Variants in OTULIN observed in about 807,000 individuals in gnomAD.
OTULIN encodes ubiquitin thioesterase otulin.
OTULIN carries 15 observed loss-of-function variants against 39.6 expected under a neutral mutation model. The ratio of observed to expected loss-of-function variants is 0.38; its 90% CI spans 0.25 to 0.58. The LOEUF is 0.58. Among genes scored for constraint, OTULIN ranks in the 20% least tolerant of loss-of-function variants. The pLI, the probability that OTULIN is intolerant of heterozygous loss-of-function variation, is 0.66. For synonymous variants in OTULIN, 156 were observed against 170.3 expected (o/e 0.92, Z 0.65); for missense variants, 319 against 445.9 (o/e 0.72, Z 2.56).
chr5:14,702,129 G>A (rs1359730733), downstream of OTULIN, among the ~76,000 whole-genome samples: 4 of 152,228 alleles, frequency 2.6e-5, no homozygotes, highest in Admixed American at 2.6e-4. Context: ...GGAGTGAGAT[G>A]CTAGGAGGCA....
intron 1 of OTULIN, among the ~76,000 whole-genome samples, chr5:14,666,828 G>A (rs1263981485): frequency 6.6e-6 from 1 of 152,142 alleles, no homozygotes; most frequent in African/African-American, 2.4e-5. Flanking sequence ...CAGTATCTGG[G>A]TAGTGGGCTG....
At chr5:14,667,316 C>G (rs1486718888) in intron 1 of OTULIN, among the ~76,000 whole-genome samples, 1 of 152,320 alleles carries the variant, frequency 6.6e-6, no homozygotes, top group African/African-American at 2.4e-5. Context: ...CTAAGCTCAT[C>G]GCATTTCACA....
rs1182287769 is a variant in OTULIN, at chr5:14,693,615, G to A, written c.*567G>A. ...ACTGGCATAGTCATGACAACCTCTG[G>A]TAATCTTACCTTCTCCTTTTTATGA... On this transcript the variant is annotated 3_prime_UTR_variant, in exon 7 of 7. Coordinates refer to ENST00000284274, the MANE Select transcript of OTULIN (RefSeq NM_138348.6). 6.6e-6 allele frequency: 1 copy of A among 152,196 alleles called. No homozygotes were observed. The highest frequency in any genetic ancestry group is 1.5e-5 in the Non-Finnish European group (1 of 68,066). 9.4% of individuals were successfully genotyped at this position (152,196 alleles called of 1,614,324 possible).
At chr5:14,709,757 T>C in the OTULIN span, 1 of 152,628 alleles carries the variant, frequency 6.6e-6, no homozygotes, top group Non-Finnish European at 1.5e-5. Context: ...TAAGGTACAA[T>C]GTTCATTGAT....
chr5:14,688,434 T>C (rs1736441735), intron 5 of OTULIN, among the ~76,000 whole-genome samples: 1 of 152,196 alleles, frequency 6.6e-6, no homozygotes, highest in Non-Finnish European at 1.5e-5. Context: ...ACACATGGTC[T>C]GCTGCTCCCA....
chr5:14,701,398 A>G (rs1451772291), downstream of OTULIN, among the ~76,000 whole-genome samples: 1 of 152,092 alleles, frequency 6.6e-6, no homozygotes, highest in Non-Finnish European at 1.5e-5. Flanking sequence ...GGCCAAGGGA[A>G]AGACTTTTGG....
At chr5:14,710,951 G>A in the OTULIN span, 1 of 484,804 alleles carries the variant, frequency 2.1e-6, no homozygotes, top group Non-Finnish European at 3.8e-6. Context: ...CGTGAGGCAG[G>A]GGTATGAAGT....
chr5:14,711,145 C>T, the OTULIN span: 807 of 1,435,572 alleles, frequency 5.6e-4, 1 homozygote, highest in African/African-American at 6.0e-3. Context: ...GAGATGATGC[C>T]GAAGTGTCAT....
At chr5:14,670,002 C>T (rs1735942618) in intron 1 of OTULIN, among the ~76,000 whole-genome samples, 1 of 152,150 alleles carries the variant, frequency 6.6e-6, no homozygotes, top group Non-Finnish European at 1.5e-5. Flanking sequence ...TGGTATAGAA[C>T]ACTAGAACTT....
At chr5:14,673,488 A>G (rs567435061) in intron 1 of OTULIN, among the ~76,000 whole-genome samples, 154 bp from the exon 2 acceptor site, 9 of 152,368 alleles carry the variant, frequency 5.9e-5, no homozygotes, top group African/African-American at 2.2e-4. Flanking sequence ...CTTTATTCTT[A>G]AGATAGAAGA....
At chr5:14,709,690 C>T in the OTULIN span, 1 of 152,600 alleles carries the variant, frequency 6.6e-6, no homozygotes, top group Non-Finnish European at 1.5e-5. Flanking sequence ...ATAGTTCTGT[C>T]ATTTACTGAG....
chr5:14,672,825 A>G (rs183675805), intron 1 of OTULIN, among the ~76,000 whole-genome samples: 2 of 151,496 alleles, frequency 1.3e-5, no homozygotes, highest in East Asian at 3.9e-4. Flanking sequence ...TTGGACTTTC[A>G]CCTGTCTTCT....
At chr5:14,669,507 C>G (rs1735930753) in intron 1 of OTULIN, among the ~76,000 whole-genome samples, 1 of 152,166 alleles carries the variant, frequency 6.6e-6, no homozygotes, top group Admixed American at 6.5e-5. Flanking sequence ...CACGGTGGCT[C>G]ACACCTGTAA....
intron 1 of OTULIN, among the ~76,000 whole-genome samples, chr5:14,668,212 A>G (rs1560990336): frequency 6.6e-6 from 1 of 152,182 alleles, no homozygotes; most frequent in Non-Finnish European, 1.5e-5. Context: ...CCCCACCCCC[A>G]GATGCTGCTA....
chr5:14,678,821 T>C (rs370428905), intron 3 of OTULIN, 46 bp downstream of exon 3: 100 of 1,294,820 alleles, frequency 7.7e-5, no homozygotes, highest in Non-Finnish European at 1.0e-4. Flanking sequence ...AAATAGTCTA[T>C]CATAAGTTGT....
the OTULIN span, chr5:14,710,497 C>T: frequency 1.3e-5 from 2 of 153,736 alleles, no homozygotes; most frequent in Non-Finnish European, 2.9e-5. Context: ...GAGTGAAATG[C>T]TATCATTCAA....
intron 6 of OTULIN, 100 bp from the exon 7 acceptor site, chr5:14,692,754 C>T: frequency 2.1e-6 from 2 of 946,826 alleles, no homozygotes; most frequent in Non-Finnish European, 1.6e-6. Flanking sequence ...GTTGTGGCTT[C>T]ACCATTGCTG....
In OTULIN at chr5:14,678,667, A is replaced by T. The variant is rs764257618; in HGVS notation, c.230-14A>T. 1.8e-4 allele frequency: 267 copies of T among 1,463,182 alleles called. No individual in the cohort carries two copies. Among genetic ancestry groups the T allele is most frequent in the Middle Eastern group, 8.9e-4 (5 of 5,596 alleles). The allele number at this position is 1,463,182 out of a possible 1,614,324, so 90.6% of individuals were successfully genotyped here. On this transcript the variant is annotated splice_polypyrimidine_tract_variant and intron_variant, in intron 2 of 6. Coordinates refer to ENST00000284274, the MANE Select transcript of OTULIN (RefSeq NM_138348.6). ...TTTATTATTTGCTTTTTTTTTTTTT[A>T]AATTCTTTAACAGAACCGAGATTAA...
At chr5:14,676,958 A>G (rs187573338) in intron 2 of OTULIN, among the ~76,000 whole-genome samples, 186 of 152,254 alleles carry the variant, frequency 1.2e-3, no homozygotes, top group Non-Finnish European at 2.1e-3. Flanking sequence ...TGTATATTAT[A>G]CCTCAGGAGT....
Sources: gnomAD v4.1 joint callset for allele counts (sites outside exome capture counted in the v4.1 genomes callset) on GRCh38, gnomAD v4.1.1 for gene constraint, MANE v1.5 for transcripts, NCBI Gene and HGNC (gene_info 2026-07-23, HGNC 2026-07-21) for gene names.